Variants in PTPRG observed in about 807,000 individuals in gnomAD.
PTPRG encodes the protein receptor-type tyrosine-protein phosphatase gamma.
PTPRG carries 102 observed loss-of-function variants against 165.3 expected under a neutral mutation model. That is an observed-to-expected ratio of 0.62 (90% CI 0.53 to 0.73). The LOEUF is 0.73. PTPRG is among the 30% of genes least tolerant of loss of function. The pLI, the probability that PTPRG is intolerant of heterozygous loss-of-function variation, is 0.00. For missense variants in PTPRG, 1,866 were observed against 1,861.4 expected, an observed-to-expected ratio of 1.00 and a Z score of -0.05; for synonymous variants, 675 against 669.5, an observed-to-expected ratio of 1.01 and a Z score of -0.13.
chr3:61,680,144 C>T (rs897398413), intron 1 of PTPRG, among the ~76,000 whole-genome samples: 5 of 152,152 alleles, frequency 3.3e-5, no homozygotes, highest in Admixed American at 6.5e-5. Flanking sequence ...AGACCCAAAA[C>T]GGGCAACCCA....
intron 27 of PTPRG, 69 bp from the exon 28 acceptor site, chr3:62,282,658 G>C: frequency 6.7e-7 from 1 of 1,495,080 alleles, no homozygotes; most frequent in Non-Finnish European, 9.0e-7. Flanking sequence ...TCAGGAGCAA[G>C]TTCTAGTCAT....
intron 4 of PTPRG, among the ~76,000 whole-genome samples, chr3:62,033,242 T>A (rs1408729483): frequency 6.6e-6 from 1 of 151,774 alleles, no homozygotes; most frequent in Non-Finnish European, 1.5e-5. Context: ...CTGAGAAGAG[T>A]CTTTCCAGAC....
intron 2 of PTPRG, among the ~76,000 whole-genome samples, chr3:61,751,207 G>C (rs1001180961): frequency 3.9e-5 from 6 of 152,130 alleles, no homozygotes; most frequent in African/African-American, 1.4e-4. Flanking sequence ...CTTAGCATTT[G>C]GCCAATGTGT....
At chr3:61,747,722 A>G (rs1194363635) in intron 1 of PTPRG, among the ~76,000 whole-genome samples, 3 of 152,194 alleles carry the variant, frequency 2.0e-5, no homozygotes, top group Non-Finnish European at 2.9e-5. Flanking sequence ...GGAATACAGA[A>G]TGCGTTGTGT....
chr3:61,684,095 T>A (rs1703542343), intron 1 of PTPRG, among the ~76,000 whole-genome samples: 1 of 152,230 alleles, frequency 6.6e-6, no homozygotes, highest in Non-Finnish European at 1.5e-5. Context: ...CGTTTGCCAC[T>A]GTTGTCTCCT....
At chr3:61,862,636 C>G (rs2037302425) in intron 2 of PTPRG, among the ~76,000 whole-genome samples, 1 of 152,146 alleles carries the variant, frequency 6.6e-6, no homozygotes, top group Non-Finnish European at 1.5e-5. Context: ...CTCAGGTGAT[C>G]TGCCCGCCCA....
chr3:62,085,599 G>T (rs1701725972), intron 5 of PTPRG, among the ~76,000 whole-genome samples: 1 of 152,008 alleles, frequency 6.6e-6, no homozygotes, highest in African/African-American at 2.4e-5. Flanking sequence ...TTCTTTACTA[G>T]GGTTCCTCTA....
rs148705310 is a variant in PTPRG, at chr3:62,276,978, G to A, written c.3566G>A (p.Arg1189His). The change falls in exon 25 of 30, where the codon CGT becomes CAT. Residue 1189 changes from arginine to histidine, a missense_variant. By Grantham distance (29) the Arg-to-His change is conservative. This residue lies in a region of PTPRG where 1,452 missense variants were observed against 1,463.0 expected (regional missense o/e 0.99). Coordinates refer to ENST00000474889, the MANE Select transcript of PTPRG (RefSeq NM_002841.4). ...TGTTTTTTCCATATGATAGCTGAGC[G>A]TGCTCGAGTGGGTCTTGCACCATTG... ...NRNSSVVPSE[R>H]ARVGLAPLPG... The A allele has an allele frequency of 1.0e-4, 164 of 1,612,752 alleles. No homozygotes were observed. The highest frequency in any genetic ancestry group is 3.1e-4 in the African/African-American group (23 of 74,940).
intron 14 of PTPRG, among the ~76,000 whole-genome samples, chr3:62,242,125 C>T (rs1701172306): frequency 6.6e-6 from 1 of 152,164 alleles, no homozygotes; most frequent in Non-Finnish European, 1.5e-5. Flanking sequence ...TAATTTGTTT[C>T]ACATAGATTT....
At chr3:61,776,042 C>G (rs1273610033) in intron 2 of PTPRG, among the ~76,000 whole-genome samples, 1 of 150,784 alleles carries the variant, frequency 6.6e-6, no homozygotes, top group Non-Finnish European at 1.5e-5. Context: ...CAAACCTGCT[C>G]GTTGTGCACA....
At chr3:62,128,886 A>AG (rs1425051440) in intron 5 of PTPRG, among the ~76,000 whole-genome samples, 10 of 151,894 alleles carry the variant, frequency 6.6e-5, no homozygotes, top group East Asian at 1.9e-4. Context: ...TATTTCAGTT[A>AG]GGGTTATGCC....
intron 2 of PTPRG, among the ~76,000 whole-genome samples, chr3:61,889,203 ACT>A (rs1358843312): frequency 6.6e-6 from 1 of 151,960 alleles, no homozygotes; most frequent in African/African-American, 2.4e-5. Context: ...TGGTTTTCTA[ACT>A]CTGTGATTTC....
At chr3:61,600,785 G>C (rs1176851938) in intron 1 of PTPRG, among the ~76,000 whole-genome samples, 1 of 152,100 alleles carries the variant, frequency 6.6e-6, no homozygotes, top group African/African-American at 2.4e-5. Flanking sequence ...AAGCAGTCCT[G>C]CTACCTCGGT....
At chr3:61,592,031 G>A (rs1220051650) in intron 1 of PTPRG, among the ~76,000 whole-genome samples, 2 of 151,486 alleles carry the variant, frequency 1.3e-5, no homozygotes, top group African/African-American at 2.4e-5. Context: ...TGGAGTCAAC[G>A]GCATGATCTC....
At chr3:62,036,699 A>G (rs2107793382) in intron 4 of PTPRG, among the ~76,000 whole-genome samples, 1 of 152,346 alleles carries the variant, frequency 6.6e-6, no homozygotes, top group East Asian at 1.9e-4. Flanking sequence ...GTGCAATTTT[A>G]TTGAGATTTT....
intron 2 of PTPRG, among the ~76,000 whole-genome samples, chr3:61,979,313 G>A (rs1396107319): frequency 1.3e-5 from 2 of 152,162 alleles, no homozygotes; most frequent in Admixed American, 6.6e-5. Flanking sequence ...AAAATTTTAT[G>A]ACACTTTTGA....
At chr3:61,995,673 T>C (rs867893013) in intron 3 of PTPRG, among the ~76,000 whole-genome samples, 17 of 113,516 alleles carry the variant, frequency 1.5e-4, no homozygotes, top group South Asian at 6.4e-4. Context: ...TCCGCCTGCC[T>C]GCCCGCCCGC....
intron 6 of PTPRG, among the ~76,000 whole-genome samples, chr3:62,133,540 C>A (rs1185689071): frequency 1.3e-5 from 2 of 152,188 alleles, no homozygotes; most frequent in Non-Finnish European, 2.9e-5. Flanking sequence ...GAAACTAAAA[C>A]CAGTTGTCAG....
chr3:61,741,720 GT>G lies in PTPRG; in HGVS notation c.86-7156del, dbSNP rs369242891. Among the ~76,000 whole-genome samples the G allele has an allele frequency of 3.2e-4, 49 of 152,108 alleles. No individual in the cohort carries two copies. In the East Asian group the frequency reaches 7.2e-3, roughly 22 times the overall value. On this transcript the variant is annotated intron_variant, in intron 1 of 29. Transcript: ENST00000474889. ...AGCAGAGGTCAAGTCGACATGGCTG[GT>G]TCAATACAGTCAGATGAACCAGTGT...
Sources: allele counts gnomAD v4.1 joint callset (sites outside exome capture counted in the v4.1 genomes callset), GRCh38; gene constraint gnomAD v4.1.1; regional missense constraint gnomAD v4.1.1; transcripts MANE v1.5; gene names NCBI Gene and HGNC (gene_info 2026-07-23, HGNC 2026-07-21).